CTNNA2: variants seen among roughly 807,000 people sequenced by gnomAD.
CTNNA2 encodes the protein catenin alpha-2.
A neutral mutation model predicts 101.0 loss-of-function variants in CTNNA2; 42 were observed. The ratio of observed to expected loss-of-function variants is 0.42; its 90% confidence interval spans 0.32 to 0.54. The LOEUF (loss-of-function observed/expected upper bound fraction) is 0.54. Ranked by LOEUF, CTNNA2 falls within the 20% of genes least tolerant of loss-of-function variation. The pLI is 0.14. For missense variants in CTNNA2, 871 were observed against 1,223.1 expected (o/e 0.71, Z 4.29); for synonymous variants, 450 against 456.4 (o/e 0.99, Z 0.18).
At chr2:80,449,822 A>G (rs575451068) in intron 9 of CTNNA2, among the ~76,000 whole-genome samples, 19 of 152,318 alleles carry the variant, frequency 1.2e-4, no homozygotes, top group Admixed American at 5.9e-4. Flanking sequence ...TGTGTAGCCA[A>G]GTACAAGGGT....
intron 9 of CTNNA2, among the ~76,000 whole-genome samples, chr2:80,489,006 A>G (rs760568835): frequency 3.3e-5 from 5 of 152,144 alleles, no homozygotes; most frequent in Non-Finnish European, 5.9e-5. Context: ...TTTGAAGGGC[A>G]TTTATGCAGA....
At chr2:79,650,082 C>G (rs1450438484) in intron 1 of CTNNA2, among the ~76,000 whole-genome samples, 2 of 145,988 alleles carry the variant, frequency 1.4e-5, no homozygotes, top group African/African-American at 5.1e-5. Context: ...TTTGTACAAT[C>G]TAAGGTTGCT....
At chr2:79,357,817 A>C (rs1168811366) in intron 3 of CTNNA2, among the ~76,000 whole-genome samples, 2 of 152,188 alleles carry the variant, frequency 1.3e-5, no homozygotes, top group Non-Finnish European at 2.9e-5. Context: ...ATAATCAATA[A>C]CATTATTAAA....
At chr2:80,423,447 T>A (rs1680712478) in intron 9 of CTNNA2, among the ~76,000 whole-genome samples, 1 of 152,214 alleles carries the variant, frequency 6.6e-6, no homozygotes, top group Admixed American at 6.5e-5. Context: ...TTTAAATTTC[T>A]AGTTGATTCT....
chr2:79,240,303 G>C (rs566543479), intron 2 of CTNNA2, among the ~76,000 whole-genome samples: 1 of 151,958 alleles, frequency 6.6e-6, no homozygotes, highest in African/African-American at 2.4e-5. Context: ...TTGGTATACA[G>C]ATTGCTTCAT....
chr2:80,569,633 G>GTTTTTTTTTTTTTTTTTTTTTT lies in CTNNA2; in HGVS notation c.1742-4524_1742-4503dup, dbSNP rs70940088. Reference sequence around the variant, plus strand: ...TCAGTATTACTTTTGGGGTATTTAGGTTTTTTTTTTTTTTTTTTTTTTTTT... The same window carrying GTTTTTTTTTTTTTTTTTTTTTT: ...TCAGTATTACTTTTGGGGTATTTAGGTTTTTTTTTTTTTTTTTTTTTTTTTTTTTTTTTTTTTTTTTTTTTTT... On this transcript the variant is annotated intron_variant, in intron 12 of 18. Transcript: ENST00000402739. 5.6e-3 allele frequency among the ~76,000 whole-genome samples: 289 copies of GTTTTTTTTTTTTTTTTTTTTTT among 51,716 alleles called. 76 individuals carry two copies. The highest frequency in any genetic ancestry group is 7.5e-3 in the Non-Finnish European group (191 of 25,568). 33.9% of individuals were successfully genotyped at this position (51,716 alleles called of 152,430 possible).
intron 4 of CTNNA2, among the ~76,000 whole-genome samples, chr2:79,403,435 A>G (rs1375043868): frequency 6.6e-6 from 1 of 151,870 alleles, no homozygotes; most frequent in Non-Finnish European, 1.5e-5. Context: ...CAGTCCCTCA[A>G]CTGAACTAAC....
At chr2:79,762,837 G>A (rs1672887074) in intron 3 of CTNNA2, among the ~76,000 whole-genome samples, 1 of 152,152 alleles carries the variant, frequency 6.6e-6, no homozygotes, top group South Asian at 2.1e-4. Context: ...AAGTTCTCAT[G>A]AGGTTTAGTT....
chr2:80,205,014 C>G (rs1030260012), intron 7 of CTNNA2, among the ~76,000 whole-genome samples: 3 of 152,050 alleles, frequency 2.0e-5, no homozygotes, highest in African/African-American at 7.2e-5. Context: ...CTGACAAGAA[C>G]AGCATGAGAA....
chr2:79,338,245 C>CAAAAAAAAAAAAAAAAA lies in CTNNA2; in HGVS notation c.-318+25461_-318+25462insAAAAAAAAAAAAAAAAA, dbSNP rs59474388. Among the ~76,000 whole-genome samples, 110 of 109,178 alleles carry CAAAAAAAAAAAAAAAAA rather than the reference C, an allele frequency of 1.0e-3. 4 individuals are homozygous for CAAAAAAAAAAAAAAAAA. The East Asian group carries it at 0.022, about 21-fold the overall frequency. 71.6% of individuals were successfully genotyped at this position (109,178 alleles called of 152,430 possible). Reference sequence around the variant, plus strand: ...TGGGTGACAGAACCAGACTCCATCTCAAAAAAAAAAAATTGGTAGTCAGGC... The same window carrying CAAAAAAAAAAAAAAAAA: ...TGGGTGACAGAACCAGACTCCATCTCAAAAAAAAAAAAAAAAAAAAAAAAAAAAATTGGTAGTCAGGC... On this transcript the variant is annotated intron_variant, in intron 3 of 21. Transcript: ENST00000466387.
intron 14 of CTNNA2, 126 bp downstream of exon 14, chr2:80,581,945 C>T (rs1695578659): frequency 4.9e-6 from 3 of 615,560 alleles, no homozygotes; most frequent in South Asian, 3.9e-5. Context: ...TCTGTGCTCT[C>T]ATCTGAGGTT....
At chr2:80,211,354 A>T (rs1329275850) in intron 7 of CTNNA2, among the ~76,000 whole-genome samples, 2 of 152,120 alleles carry the variant, frequency 1.3e-5, no homozygotes, top group Non-Finnish European at 2.9e-5. Flanking sequence ...TTTTAGGTCT[A>T]ATATTTAAGT....
chr2:80,446,405 C>A (rs1166894389), intron 9 of CTNNA2, among the ~76,000 whole-genome samples: 1 of 152,220 alleles, frequency 6.6e-6, no homozygotes, highest in Non-Finnish European at 1.5e-5. Flanking sequence ...GCACACTCGA[C>A]CTGCTTATTA....
intron 7 of CTNNA2, among the ~76,000 whole-genome samples, chr2:80,100,928 T>G: frequency 6.6e-6 from 1 of 152,264 alleles, no homozygotes; most frequent in Middle Eastern, 3.4e-3. Flanking sequence ...AGTCTAGGAG[T>G]CTGCTAAGTC....
chr2:80,167,878 C>T (rs1704801430), intron 7 of CTNNA2, among the ~76,000 whole-genome samples: 1 of 152,116 alleles, frequency 6.6e-6, no homozygotes, highest in South Asian at 2.1e-4. Flanking sequence ...TCCAGTAGAG[C>T]CTTAGGAAAG....
chr2:79,383,536 T>G (rs924336571), intron 4 of CTNNA2, among the ~76,000 whole-genome samples: 1 of 152,146 alleles, frequency 6.6e-6, no homozygotes, highest in Non-Finnish European at 1.5e-5. Flanking sequence ...AGAAGCTGTT[T>G]AAGGAAGTAT....
At chr2:79,237,831 T>A (rs752175658) in intron 2 of CTNNA2, among the ~76,000 whole-genome samples, 1 of 152,168 alleles carries the variant, frequency 6.6e-6, no homozygotes, top group African/African-American at 2.4e-5. Flanking sequence ...TTGAAGAGAG[T>A]TAGGTCTTTT....
intron 7 of CTNNA2, among the ~76,000 whole-genome samples, chr2:80,128,802 A>G (rs528809748): frequency 4.6e-5 from 7 of 152,182 alleles, no homozygotes; most frequent in African/African-American, 1.7e-4. Flanking sequence ...TGGGTAGATC[A>G]GTCTTAGACC....
At chr2:80,073,045 G>A (rs1027076321) in intron 7 of CTNNA2, among the ~76,000 whole-genome samples, 1 of 152,146 alleles carries the variant, frequency 6.6e-6, no homozygotes, top group African/African-American at 2.4e-5. Flanking sequence ...AGCAATTATC[G>A]TGAGTAGAAG....
Sources: allele counts gnomAD v4.1 joint callset (sites outside exome capture counted in the v4.1 genomes callset), GRCh38; gene constraint gnomAD v4.1.1; transcripts MANE v1.5; gene names NCBI Gene and HGNC (gene_info 2026-07-23, HGNC 2026-07-21).